The following SLC22A23 variants were observed in gnomAD, a reference collection of about 807,000 sequenced individuals.
The protein encoded by SLC22A23 is ion transporter protein.
SLC22A23 carries 26 observed loss-of-function variants against 61.0 expected under a neutral mutation model. That is an observed-to-expected ratio of 0.43 (90% CI 0.31 to 0.59). The LOEUF (loss-of-function observed/expected upper bound fraction) is 0.59. SLC22A23 is among the 20% of genes least tolerant of loss of function. The pLI is 0.11. For missense variants in SLC22A23, 796 were observed against 934.7 expected, an observed-to-expected ratio of 0.85 and a Z score of 1.94; for synonymous variants, 430 against 413.9, an observed-to-expected ratio of 1.04 and a Z score of -0.47.
chr6:3,285,460 G>A (rs1759900268), intron 7 of SLC22A23, among the ~76,000 whole-genome samples: 1 of 152,230 alleles, frequency 6.6e-6, no homozygotes, highest in Admixed American at 6.5e-5. Flanking sequence ...TGCGTCAAGT[G>A]CTGTGGGGTG....
intron 1 of SLC22A23, among the ~76,000 whole-genome samples, chr6:3,450,021 CAG>C (rs1410911223): frequency 1.3e-5 from 2 of 152,146 alleles, no homozygotes; most frequent in African/African-American, 4.8e-5. Context: ...AGTGAAAAAA[CAG>C]TGTTTCGGAT....
intron 1 of SLC22A23, among the ~76,000 whole-genome samples, chr6:3,448,019 C>T (rs1206606913): frequency 6.6e-6 from 1 of 151,366 alleles, no homozygotes; most frequent in Non-Finnish European, 1.5e-5. Context: ...TCTCCTGCCT[C>T]AGCCTCCTGA....
At chr6:3,441,616 C>A (rs769929065) in intron 1 of SLC22A23, among the ~76,000 whole-genome samples, 1 of 152,170 alleles carries the variant, frequency 6.6e-6, no homozygotes, top group Non-Finnish European at 1.5e-5. Context: ...CTGACGGAAG[C>A]GACTCCTCTG....
In SLC22A23 at chr6:3,323,955, C is replaced by A. The variant is rs1763122356; in HGVS notation, c.961G>T (p.Ala321Ser). The A allele has an allele frequency of 6.2e-7, 1 of 1,614,228 alleles. No individual in the cohort carries two copies. The highest frequency in any genetic ancestry group is 8.5e-7 in the Non-Finnish European group (1 of 1,180,038). The change falls in exon 4 of 10, where the codon GCG (alanine) becomes TCG (serine). Residue 321 changes from alanine (A) to serine (S), a missense_variant. By Grantham distance (99) the Ala-to-Ser change is moderately conservative. Transcript: ENST00000406686. ...TGGCCCGCCATGGCCACGAAGCTCG[C>A]CACCATCGTAATCATGAACCGTTTT... Reference protein sequence around the residue: ...PGKRFMITMVASFVAMAGQFL... With the variant: ...PGKRFMITMVSSFVAMAGQFL...
intron 5 of SLC22A23, chr6:3,290,349 C>T (rs9391986): frequency 0.079 from 16,620 of 210,262 alleles, 1,047 homozygotes; most frequent in East Asian, 0.33. Flanking sequence ...GCTTCTTAGC[C>T]TTGTGGGGTG....
At chr6:3,364,683 A>G (rs1303817307) in intron 3 of SLC22A23, among the ~76,000 whole-genome samples, 6 of 152,164 alleles carry the variant, frequency 3.9e-5, no homozygotes, top group Non-Finnish European at 8.8e-5. Context: ...GTTCGCTCCC[A>G]GCTGAGGCAG....
intron 3 of SLC22A23, among the ~76,000 whole-genome samples, chr6:3,404,497 G>C (rs1768656459): frequency 6.6e-6 from 1 of 152,200 alleles, no homozygotes; most frequent in East Asian, 1.9e-4. Context: ...GAACATATAG[G>C]TAGAGATAGA....
rs905143743 is a variant in SLC22A23 at position 3,427,959 on chromosome 6, C to T, written c.655-12104G>A. Reference sequence around the variant, plus strand: ...AGGTGGGGTGAGCCAGGAAGGCTCCCGACCTTCCACTTCAGTGCCTCCGGC... The same window carrying T: ...AGGTGGGGTGAGCCAGGAAGGCTCCTGACCTTCCACTTCAGTGCCTCCGGC... On this transcript the variant is annotated intron_variant, in intron 1 of 9. Coordinates refer to ENST00000406686, the MANE Select transcript of SLC22A23 (RefSeq NM_015482.2). This position sits in a 1 kb window ranked among gnomAD's most constrained non-coding sequence, Gnocchi z 4.3. Among the ~76,000 whole-genome samples, 17 of 152,194 alleles carry T rather than the reference C, an allele frequency of 1.1e-4. No homozygotes were observed. The highest frequency in any genetic ancestry group is 2.1e-4 in the Non-Finnish European group (14 of 68,048).
intron 3 of SLC22A23, among the ~76,000 whole-genome samples, chr6:3,341,890 TA>T (rs891203277): frequency 1.3e-5 from 2 of 152,054 alleles, no homozygotes; most frequent in African/African-American, 4.8e-5. Flanking sequence ...TAATGGATTT[TA>T]AAAAAAATCA....
At chr6:3,276,762 G>A (rs1260850345) in intron 9 of SLC22A23, 2 of 152,250 alleles carry the variant, frequency 1.3e-5, no homozygotes, top group Non-Finnish European at 2.9e-5. Flanking sequence ...TATTCCATTA[G>A]ATGATTGTCA....
chr6:3,298,921 G>A (rs4496842), intron 4 of SLC22A23, among the ~76,000 whole-genome samples: 1 of 148,216 alleles, frequency 6.7e-6, no homozygotes, highest in African/African-American at 2.6e-5. Context: ...GCAGTGAGCC[G>A]AGATTGCGCC....
Position 3,283,921 on chromosome 6 carries a change from A to G in SLC22A23, c.1634T>C (p.Met545Thr), listed in dbSNP as rs202186678. ...GCTCCCCACCGCATGGGAGGCAAAC[A>G]TGCCCACGATGGAAAACGCGATGGA... is the stretch of plus-strand genomic sequence containing the variant. ...KFSIAFSIVG[M>T]FASHAVGSLS... is the part of the protein sequence containing the mutation. Residue 545 changes from methionine to threonine, a missense_variant, in exon 9 of 10, where the codon ATG becomes ACG. Met to Thr is a moderately conservative substitution (Grantham distance 81). Transcript: ENST00000406686. 2 of 1,609,994 alleles carry G rather than the reference A, an allele frequency of 1.2e-6. No homozygotes were observed. Among genetic ancestry groups the G allele is most frequent in the East Asian group, 2.2e-5 (1 of 44,712 alleles).
intron 1 of SLC22A23, among the ~76,000 whole-genome samples, chr6:3,423,877 C>A (rs1394213137): frequency 1.3e-5 from 2 of 152,154 alleles, no homozygotes; most frequent in African/African-American, 4.8e-5. Context: ...TGGTGGGGAA[C>A]TTCTGCTGGG....
At chr6:3,455,509 G>A (rs1159984494) in intron 1 of SLC22A23, among the ~76,000 whole-genome samples, 2 of 152,240 alleles carry the variant, frequency 1.3e-5, no homozygotes, top group Non-Finnish European at 2.9e-5. Context: ...CGAGATGGAA[G>A]ACTATTGCTT....
chr6:3,273,064 C>T lies in SLC22A23; in HGVS notation c.2052G>A (p.Lys684=), dbSNP rs747676645. 1 of 1,563,484 alleles carries T rather than the reference C, an allele frequency of 6.4e-7. No homozygotes were observed. The highest frequency in any genetic ancestry group is 1.2e-5 in the South Asian group (1 of 86,130). The change falls in exon 10 of 10, where the codon AAG becomes AAA. Residue 684 remains lysine (K), a synonymous_variant. Transcript: ENST00000406686. ...LPEGATANGM[K]AM The stretch of plus-strand genomic sequence containing the variant: ...GGTTCCGCAGGCCGGGCTACATGGC[C>T]TTCATGCCGTTGGCCGTGGCACCCT...
chr6:3,435,681 G>A (rs1771162364), intron 1 of SLC22A23, among the ~76,000 whole-genome samples: 1 of 152,210 alleles, frequency 6.6e-6, no homozygotes, highest in Non-Finnish European at 1.5e-5. Context: ...TCTCCCTGAA[G>A]GGACCCTGGG....
At chr6:3,315,817 T>A (rs1026951143) in intron 4 of SLC22A23, among the ~76,000 whole-genome samples, 1 of 151,310 alleles carries the variant, frequency 6.6e-6, no homozygotes, top group African/African-American at 2.4e-5. Flanking sequence ...TGAGCTGAGA[T>A]CACGCCACTG....
intron 3 of SLC22A23, among the ~76,000 whole-genome samples, chr6:3,381,484 G>A (rs934227534): frequency 1.3e-5 from 2 of 152,180 alleles, no homozygotes; most frequent in African/African-American, 4.8e-5. Flanking sequence ...TTCAGGACCA[G>A]TCCCCAATAA....
intron 3 of SLC22A23, among the ~76,000 whole-genome samples, chr6:3,357,729 T>G (rs1765200002): frequency 6.6e-6 from 1 of 152,146 alleles, no homozygotes; most frequent in Non-Finnish European, 1.5e-5. Context: ...TTTCATTCAC[T>G]TATTCAGCAA....
Sources: allele counts gnomAD v4.1 joint callset (sites outside exome capture counted in the v4.1 genomes callset), GRCh38; gene constraint gnomAD v4.1.1; non-coding constraint Gnocchi (gnomAD v3.1); transcripts MANE v1.5; gene names NCBI Gene and HGNC (gene_info 2026-07-23, HGNC 2026-07-21).